PITPNA: variants seen among roughly 807,000 people sequenced by gnomAD.
The protein encoded by PITPNA is phosphatidylinositol transfer protein alpha.
A neutral mutation model predicts 50.3 loss-of-function variants in PITPNA; 13 were observed. That is an observed-to-expected ratio of 0.26 (90% CI 0.17 to 0.41). The LOEUF (loss-of-function observed/expected upper bound fraction) is 0.41. Among genes scored for constraint, PITPNA ranks in the 10% least tolerant of loss-of-function variants. The pLI is 1.00. For synonymous variants in PITPNA, 120 were observed against 119.6 expected (o/e 1.00, Z -0.02); for missense variants, 207 against 333.4 (o/e 0.62, Z 2.95).
intron 4 of PITPNA, among the ~76,000 whole-genome samples, chr17:1,546,355 C>T (rs1284933435): frequency 1.3e-5 from 2 of 152,150 alleles, no homozygotes; most frequent in African/African-American, 4.8e-5. Context: ...ACATCCCAGA[C>T]CCCACCAATG....
intron 1 of PITPNA, among the ~76,000 whole-genome samples, chr17:1,560,795 G>T (rs1298687949): frequency 6.6e-6 from 1 of 152,184 alleles, no homozygotes; most frequent in Non-Finnish European, 1.5e-5. Context: ...TCCGAGCCCT[G>T]GCTGAATTAA....
chr17:1,560,958 C>T (rs1187590056), intron 1 of PITPNA, among the ~76,000 whole-genome samples: 1 of 152,200 alleles, frequency 6.6e-6, no homozygotes, highest in African/African-American at 2.4e-5. Context: ...CTCCAAGGAG[C>T]CAGCCTGGTG....
At chr17:1,552,196 C>A (rs2075713216) in intron 3 of PITPNA, among the ~76,000 whole-genome samples, 1 of 152,212 alleles carries the variant, frequency 6.6e-6, no homozygotes, top group Non-Finnish European at 1.5e-5. Flanking sequence ...TTAAATGTCA[C>A]TGAACTGTAT....
chr17:1,541,791 C>T, intron 5 of PITPNA, 151 bp from the exon 6 acceptor site: 1 of 710,964 alleles, frequency 1.4e-6, no homozygotes, highest in East Asian at 2.7e-5. Flanking sequence ...ACTGGGAGCC[C>T]ACGACACACT....
intron 4 of PITPNA, among the ~76,000 whole-genome samples, chr17:1,547,691 T>C (rs2075683777): frequency 6.6e-6 from 1 of 151,228 alleles, no homozygotes; most frequent in Admixed American, 6.6e-5. Flanking sequence ...TGATCTAAAA[T>C]TTTTCGAGAA....
rs2075496783 is a variant in PITPNA, at chr17:1,519,648, G to A, written c.*913C>T. ...GAGGACAGGGACCTAAGAAAGCACA[G>A]AGAAAAGAGGATTATTGCTGAGTGG... is the stretch of plus-strand genomic sequence containing the variant. On this transcript the variant is annotated 3_prime_UTR_variant, in exon 12 of 12. Transcript: ENST00000313486. The A allele has an allele frequency of 6.5e-6, 1 of 152,728 alleles. No homozygotes were observed. The highest frequency in any genetic ancestry group is 1.5e-5 in the Non-Finnish European group (1 of 68,104). The allele number at this position is 152,728 out of a possible 1,614,324, so 9.5% of individuals were successfully genotyped here. A position where few individuals can be genotyped will look rare whatever the true frequency, so the allele number is the denominator to read the frequency against.
At chr17:1,539,217 C>T (rs940411838) in intron 6 of PITPNA, among the ~76,000 whole-genome samples, 4 of 152,156 alleles carry the variant, frequency 2.6e-5, no homozygotes, top group Admixed American at 2.6e-4. Flanking sequence ...ACTCCTGGGC[C>T]GGAGTGATCC....
chr17:1,542,853 T>G (rs1462490933), intron 5 of PITPNA, among the ~76,000 whole-genome samples, 167 bp downstream of exon 5: 1 of 152,168 alleles, frequency 6.6e-6, no homozygotes, highest in East Asian at 1.9e-4. Flanking sequence ...CAGGAGGTCA[T>G]CATGCCAGTT....
rs369633222 is a variant in PITPNA, at chr17:1,538,968, G to A, written c.373-16C>T. The A allele has an allele frequency of 1.9e-6, 3 of 1,584,164 alleles. No individual in the cohort carries two copies. Among genetic ancestry groups the A allele is most frequent in the South Asian group, 2.2e-5 (2 of 90,314 alleles). ...GCTTATGCACCTGTGGGAACAAGTG[G>A]GGAACCACTATGCAGTTTTTGTCAG... On this transcript the variant is annotated splice_polypyrimidine_tract_variant and intron_variant, in intron 6 of 11. Coordinates refer to ENST00000313486, the MANE Select transcript of PITPNA (RefSeq NM_006224.4).
chr17:1,522,576 T>C (rs1224582358), intron 10 of PITPNA, among the ~76,000 whole-genome samples: 3 of 152,030 alleles, frequency 2.0e-5, no homozygotes, highest in Non-Finnish European at 4.4e-5. Flanking sequence ...TTTCACCATT[T>C]TGGCCAGGCT....
intron 10 of PITPNA, among the ~76,000 whole-genome samples, chr17:1,529,625 C>T (rs2075569215): frequency 2.0e-5 from 3 of 151,958 alleles, no homozygotes; most frequent in South Asian, 2.1e-4. Context: ...GAGGCTGAGG[C>T]GGGTGGGTCA....
At chr17:1,547,854 C>T (rs1187779346) in intron 4 of PITPNA, among the ~76,000 whole-genome samples, 1 of 151,750 alleles carries the variant, frequency 6.6e-6, no homozygotes, top group Non-Finnish European at 1.5e-5. Context: ...ATTAGCCAGG[C>T]GTGGCGGTAT....
intron 10 of PITPNA, among the ~76,000 whole-genome samples, chr17:1,525,515 T>A (rs980565680): frequency 6.8e-6 from 1 of 147,978 alleles, no homozygotes; most frequent in East Asian, 2.0e-4. Flanking sequence ...TTTTTTTTTT[T>A]TTTTTTTTTT....
chr17:1,541,905 G>A (rs901162292), intron 5 of PITPNA: 5 of 558,758 alleles, frequency 8.9e-6, no homozygotes, highest in Non-Finnish European at 1.8e-5. Context: ...CTTAACCAAA[G>A]TCACAGAGAT....
intron 4 of PITPNA, 113 bp downstream of exon 4, chr17:1,548,183 G>A (rs2075688169): frequency 3.1e-6 from 2 of 650,882 alleles, no homozygotes; most frequent in East Asian, 5.4e-5. Context: ...CCCACCATCA[G>A]CCGGAAGGGA....
At chr17:1,549,877 G>A (rs1258053114) in intron 3 of PITPNA, among the ~76,000 whole-genome samples, 3 of 151,930 alleles carry the variant, frequency 2.0e-5, no homozygotes, top group Non-Finnish European at 4.4e-5. Context: ...GTTTTGTCAT[G>A]TAGGCCAGGC....
intron 10 of PITPNA, among the ~76,000 whole-genome samples, chr17:1,532,375 C>T (rs1462025031): frequency 3.9e-5 from 6 of 152,080 alleles, no homozygotes; most frequent in Non-Finnish European, 8.8e-5. Flanking sequence ...GTGTGAGCCA[C>T]CGTGCCTGGC....
At chr17:1,561,678 C>T (rs1015232777) in intron 1 of PITPNA, among the ~76,000 whole-genome samples, 5 of 152,188 alleles carry the variant, frequency 3.3e-5, no homozygotes, top group African/African-American at 1.2e-4. Flanking sequence ...CCTCCTCTTC[C>T]GCACCAGCTG....
chr17:1,536,366 C>T (rs938339656), intron 7 of PITPNA, among the ~76,000 whole-genome samples: 5 of 150,450 alleles, frequency 3.3e-5, no homozygotes, highest in African/African-American at 1.2e-4. Flanking sequence ...CGGCTCACTG[C>T]AAGCTCCATC....
Sources: gnomAD v4.1 joint callset for allele counts (sites outside exome capture counted in the v4.1 genomes callset) on GRCh38, gnomAD v4.1.1 for gene constraint, MANE v1.5 for transcripts, NCBI Gene and HGNC (gene_info 2026-07-23, HGNC 2026-07-21) for gene names.